POFUT3: variants seen among roughly 807,000 people sequenced by gnomAD.
The protein encoded by POFUT3 is protein O-fucosyltransferase 3.
chr8:33,407,668 C>G, the POFUT3 span, among the ~76,000 whole-genome samples: 1 of 152,144 alleles, frequency 6.6e-6, no homozygotes, highest in Admixed American at 6.6e-5. Context: ...TCCACAGGGA[C>G]TCTCCCAAAG....
chr8:33,425,693 AG>A, the POFUT3 span, among the ~76,000 whole-genome samples: 36 of 151,896 alleles, frequency 2.4e-4, no homozygotes, highest in Non-Finnish European at 4.3e-4. Context: ...AGGCTGAGGC[AG>A]GCAGATCACT....
the POFUT3 span, among the ~76,000 whole-genome samples, chr8:33,406,987 G>C: frequency 6.6e-6 from 1 of 152,106 alleles, no homozygotes; most frequent in Non-Finnish European, 1.5e-5. Flanking sequence ...GCATAAAAAG[G>C]CCTCACAAAC....
At chr8:33,439,798 C>T in the POFUT3 span, among the ~76,000 whole-genome samples, 5 of 151,334 alleles carry the variant, frequency 3.3e-5, no homozygotes, top group Admixed American at 1.3e-4. Context: ...ACTCAGAGGG[C>T]GGAGGTTGCA....
chr8:33,380,991 A>T, the POFUT3 span, among the ~76,000 whole-genome samples: 1 of 152,096 alleles, frequency 6.6e-6, no homozygotes, highest in South Asian at 2.1e-4. Context: ...TAAAAAATTA[A>T]CCAGGCATGG....
the POFUT3 span, among the ~76,000 whole-genome samples, chr8:33,309,233 A>C: frequency 7.5e-6 from 1 of 132,870 alleles, no homozygotes; most frequent in Non-Finnish European, 1.6e-5. Context: ...CCCCCTTCCC[A>C]TTGCAAGTTG....
At chr8:33,422,939 C>A in the POFUT3 span, among the ~76,000 whole-genome samples, 1 of 152,082 alleles carries the variant, frequency 6.6e-6, no homozygotes, top group Admixed American at 6.6e-5. Context: ...CCTCAGCCCC[C>A]CGAGTAGCTG....
At chr8:33,356,646 A>C in the POFUT3 span, among the ~76,000 whole-genome samples, 291 of 151,744 alleles carry the variant, frequency 1.9e-3, 2 homozygotes, top group African/African-American at 6.2e-3. Context: ...ATGGTAGTTT[A>C]TTTTGCTGTG....
the POFUT3 span, among the ~76,000 whole-genome samples, chr8:33,417,050 T>C: frequency 6.6e-6 from 1 of 152,154 alleles, no homozygotes; most frequent in African/African-American, 2.4e-5. Flanking sequence ...AGAAACATCA[T>C]CTGTATTTAC....
the POFUT3 span, among the ~76,000 whole-genome samples, chr8:33,380,119 A>T: frequency 1.5e-3 from 106 of 72,572 alleles, 10 homozygotes; most frequent in African/African-American, 7.2e-3. Flanking sequence ...TACTATATAT[A>T]TACACTATAT....
At chr8:33,463,483 C>T in the POFUT3 span, among the ~76,000 whole-genome samples, 560 of 151,116 alleles carry the variant, frequency 3.7e-3, 13 homozygotes, top group East Asian at 0.072. Flanking sequence ...CCAGCCTGGG[C>T]GACAAAGCCA....
chr8:33,401,477 G>A, the POFUT3 span, among the ~76,000 whole-genome samples: 1 of 151,958 alleles, frequency 6.6e-6, no homozygotes, highest in Admixed American at 6.6e-5. Flanking sequence ...AATACATGTC[G>A]ATTTCAGAGA....
At chr8:33,365,648 T>A in the POFUT3 span, among the ~76,000 whole-genome samples, 1 of 152,224 alleles carries the variant, frequency 6.6e-6, no homozygotes, top group South Asian at 2.1e-4. Context: ...AACAGACACA[T>A]GAAAAAATGC....
At chr8:33,457,245 C>T in the POFUT3 span, among the ~76,000 whole-genome samples, 18 of 152,116 alleles carry the variant, frequency 1.2e-4, no homozygotes, top group African/African-American at 4.1e-4. Context: ...GTCAGGAGTT[C>T]GAGACCAGCC....
chr8:33,436,653 C>G, the POFUT3 span: 3 of 861,416 alleles, frequency 3.5e-6, no homozygotes, highest in Admixed American at 1.8e-5. Context: ...AGCGAATCTC[C>G]CGCTGTGTAG....
chr8:33,436,259 G>A, the POFUT3 span: 101 of 1,360,766 alleles, frequency 7.4e-5, no homozygotes, highest in Admixed American at 1.9e-4. Flanking sequence ...ACAACAGCTC[G>A]GAATTTCAGC....
the POFUT3 span, among the ~76,000 whole-genome samples, chr8:33,380,126 A>ATATATATACTATATATATACAC: frequency 6.1e-4 from 31 of 50,938 alleles, 6 homozygotes; most frequent in African/African-American, 4.0e-3. Context: ...TATATACACT[A>ATATATATACTATATATATACAC]TATATATATA....
At chr8:33,419,084 G>A in the POFUT3 span, among the ~76,000 whole-genome samples, 1 of 152,246 alleles carries the variant, frequency 6.6e-6, no homozygotes, top group African/African-American at 2.4e-5. Context: ...GGTTGGGGGT[G>A]GGGTGGATAA....
the POFUT3 span, among the ~76,000 whole-genome samples, chr8:33,313,102 G>A: frequency 6.6e-5 from 10 of 152,238 alleles, no homozygotes; most frequent in African/African-American, 2.4e-4. Context: ...CCCATGTGAA[G>A]TGTAATTTCT....
chr8:33,462,149 A>G, the POFUT3 span, among the ~76,000 whole-genome samples: 1 of 88 alleles, frequency 0.011, no homozygotes, highest in African/African-American at 0.062. Flanking sequence ...AAAGGAAAGG[A>G]AGGGGAGGGA....
Sources: gnomAD v4.1 joint callset for allele counts (sites outside exome capture counted in the v4.1 genomes callset) on GRCh38, gnomAD v4.1.1 for gene constraint, MANE v1.5 for transcripts, NCBI Gene and HGNC (gene_info 2026-07-23, HGNC 2026-07-21) for gene names.